The following CEP20 variants were observed in gnomAD, a reference collection of about 807,000 sequenced individuals.
The protein encoded by CEP20 is centrosomal protein 20.
A neutral mutation model predicts 20.0 loss-of-function variants in CEP20; 18 were observed. That is an observed-to-expected ratio of 0.90 (90% CI 0.62 to 1.34). CEP20 has a LOEUF of 1.34. CEP20 is among the 40% of genes most tolerant of loss of function. The probability of loss-of-function intolerance (pLI) is 0.00; values close to 1 mark genes in which losing one functional copy is unlikely to be tolerated. For missense variants in CEP20, 215 were observed against 201.6 expected (o/e 1.07, Z -0.40); for synonymous variants, 77 against 73.7 (o/e 1.04, Z -0.23).
rs1445128148 is a variant in CEP20, at chr16:15,882,766, T to TACACACACA, written c.226+1241_226+1242insTGTGTGTGT. ...ATCTATCTATCTATCTATCTATCTA[T>TACACACACA]CTATCTATCTATCTAGATACACACA... On this transcript the variant is annotated intron_variant, in intron 2 of 4. Transcript: ENST00000255759. 7.5e-3 allele frequency among the ~76,000 whole-genome samples: 793 copies of TACACACACA among 105,686 alleles called. 8 individuals are homozygous for TACACACACA. Among genetic ancestry groups the TACACACACA allele is most frequent in the African/African-American group, 0.027 (751 of 27,702 alleles). 69.3% of individuals were successfully genotyped at this position (105,686 alleles called of 152,430 possible).
intron 3 of CEP20, among the ~76,000 whole-genome samples, chr16:15,876,293 C>T (rs996602758): frequency 6.6e-6 from 1 of 151,020 alleles, no homozygotes; most frequent in Non-Finnish European, 1.5e-5. Context: ...CTGGCTAACA[C>T]GGTGAAACCG....
intron 1 of CEP20, among the ~76,000 whole-genome samples, chr16:15,887,857 G>T (rs889496519): frequency 6.6e-6 from 1 of 151,936 alleles, no homozygotes; most frequent in Non-Finnish European, 1.5e-5. Context: ...ACTTTGAGGG[G>T]GCCAAGGCAG....
intron 4 of CEP20, among the ~76,000 whole-genome samples, chr16:15,873,142 C>T (rs2044861640): frequency 6.6e-6 from 1 of 151,548 alleles, no homozygotes; most frequent in Non-Finnish European, 1.5e-5. Flanking sequence ...GGGGTTTCAC[C>T]ATGTCACTTA....
At chr16:15,867,548 A>G (rs1322424041) in intron 4 of CEP20, 32 bp from the exon 5 acceptor site, 12 of 1,486,286 alleles carry the variant, frequency 8.1e-6, no homozygotes, top group Non-Finnish European at 1.1e-5. Flanking sequence ...GTTAATACTT[A>G]TCCCAAGTCA....
intron 1 of CEP20, among the ~76,000 whole-genome samples, chr16:15,884,588 G>A (rs1974453): frequency 0.18 from 26,867 of 151,918 alleles, 2,287 homozygotes; most frequent in East Asian, 0.22. Flanking sequence ...TGCAACCTCT[G>A]CCTCCCAGGT....
chr16:15,876,910 G>T (rs2044965713), intron 3 of CEP20, among the ~76,000 whole-genome samples: 2 of 147,092 alleles, frequency 1.4e-5, no homozygotes, highest in African/African-American at 5.1e-5. Flanking sequence ...TGAGTGCAGT[G>T]GCACGATCTC....
intron 3 of CEP20, among the ~76,000 whole-genome samples, chr16:15,876,475 G>GA (rs56965912): frequency 0.072 from 10,082 of 139,652 alleles, 450 homozygotes; most frequent in East Asian, 0.22. Context: ...ACTCTGTCTC[G>GA]AAAAAAAAAA....
intron 3 of CEP20, among the ~76,000 whole-genome samples, chr16:15,876,506 C>A (rs972008523): frequency 2.0e-5 from 3 of 151,792 alleles, no homozygotes; most frequent in Admixed American, 6.6e-5. Flanking sequence ...CGCTGTGTGG[C>A]CCACACTGGA....
In CEP20 at chr16:15,884,136, A is replaced by G. The variant is rs1204762354; in HGVS notation, c.98T>C (p.Phe33Ser). Residue 33 changes from phenylalanine (F) to serine (S), a missense_variant, in exon 2 of 5, where the codon TTC becomes TCC. Physicochemically the swap from Phe to Ser is radical, Grantham distance 155 (BLOSUM62 -2). Transcript: ENST00000255759. ...TTCACGGTCATCATCTAGGGCATTG[A>G]AAACTTCAGCTCGGATCCTTGCTTT... ...HLKARIRAEVFNALDDDREPR... is the reference protein window; with the variant it reads ...HLKARIRAEVSNALDDDREPR... 1 of 1,614,044 alleles carries G rather than the reference A, an allele frequency of 6.2e-7. No homozygotes were observed. The highest frequency in any genetic ancestry group is 1.7e-5 in the Admixed American group (1 of 60,000).
chr16:15,881,063 C>T (rs67847240), intron 2 of CEP20, among the ~76,000 whole-genome samples: 30,571 of 151,946 alleles, frequency 0.2, 3,770 homozygotes, highest in East Asian at 0.39. Flanking sequence ...TGAATCATCC[C>T]GAACCATCCT....
At chr16:15,880,424 T>C (rs2045070897) in intron 2 of CEP20, among the ~76,000 whole-genome samples, 1 of 152,164 alleles carries the variant, frequency 6.6e-6, no homozygotes. Context: ...AAAACTTATG[T>C]TCTCACAAAA....
At chr16:15,880,701 G>A (rs566226962) in intron 2 of CEP20, among the ~76,000 whole-genome samples, 1 of 152,186 alleles carries the variant, frequency 6.6e-6, no homozygotes, top group African/African-American at 2.4e-5. Flanking sequence ...CACACAGCAG[G>A]AGGTGAGGAG....
intron 4 of CEP20, among the ~76,000 whole-genome samples, chr16:15,870,189 A>G (rs2044780188): frequency 6.6e-6 from 1 of 150,866 alleles, no homozygotes; most frequent in Admixed American, 6.7e-5. Flanking sequence ...ACTAGTCATG[A>G]GCCGTGAGTA....
At chr16:15,887,580 G>A (rs1185312689) in intron 1 of CEP20, among the ~76,000 whole-genome samples, 1 of 152,176 alleles carries the variant, frequency 6.6e-6, no homozygotes, top group Non-Finnish European at 1.5e-5. Context: ...TCTATGAAAT[G>A]GGCATAGGGT....
rs574526189 is a variant in CEP20 at position 15,883,477 on chromosome 16, C to T, written c.226+531G>A. ...TGGGCTCACATGATCACCCCCTCCC[C>T]GACCCCTGCTCAGCCTCAGCTAGGA... On this transcript the variant is annotated intron_variant, in intron 2 of 4. Coordinates refer to ENST00000255759, the MANE Select transcript of CEP20 (RefSeq NM_144600.4). Among the ~76,000 whole-genome samples, 7 of 152,140 alleles carry T rather than the reference C, an allele frequency of 4.6e-5. No homozygotes were observed. The East Asian group carries it at 5.9e-4, about 13-fold the overall frequency.
intron 2 of CEP20, among the ~76,000 whole-genome samples, chr16:15,881,357 A>T (rs1372101238): frequency 6.6e-6 from 1 of 152,172 alleles, no homozygotes; most frequent in African/African-American, 2.4e-5. Context: ...TTCTGGGTGT[A>T]ACTGGTATCA....
chr16:15,881,176 C>T (rs1240249075), intron 2 of CEP20, among the ~76,000 whole-genome samples: 1 of 152,004 alleles, frequency 6.6e-6, no homozygotes, highest in African/African-American at 2.4e-5. Context: ...CAACTGCAGG[C>T]ATTTGACTAA....
At chr16:15,882,461 T>C (rs1052314742) in intron 2 of CEP20, among the ~76,000 whole-genome samples, 3 of 150,958 alleles carry the variant, frequency 2.0e-5, no homozygotes, top group East Asian at 2.0e-4. Context: ...ACCCAGGAGG[T>C]AGACGTTGCA....
chr16:15,874,363 G>A (rs116360479), intron 3 of CEP20, among the ~76,000 whole-genome samples: 1,877 of 152,042 alleles, frequency 0.012, 44 homozygotes, highest in African/African-American at 0.042. Flanking sequence ...AATCCTCATC[G>A]TGTAATGTCA....
Sources: allele counts gnomAD v4.1 joint callset (sites outside exome capture counted in the v4.1 genomes callset), GRCh38; gene constraint gnomAD v4.1.1; transcripts MANE v1.5; gene names NCBI Gene and HGNC (gene_info 2026-07-23, HGNC 2026-07-21).